The following IQCK variants were observed in gnomAD, a reference collection of about 807,000 sequenced individuals.
IQCK encodes IQ domain-containing protein K.
A neutral mutation model predicts 28.1 loss-of-function variants in IQCK; 29 were observed. That is an observed-to-expected ratio of 1.03 (90% CI 0.77 to 1.41). The LOEUF (loss-of-function observed/expected upper bound fraction) is 1.41, where lower values mean the gene tolerates loss of function less well. Among genes scored for constraint, IQCK ranks in the 40% most tolerant of loss-of-function variants. The probability of loss-of-function intolerance (pLI) is 0.00; values close to 1 mark genes in which losing one functional copy is unlikely to be tolerated. For synonymous variants in IQCK, 113 were observed against 115.1 expected (o/e 0.98, Z 0.12); for missense variants, 359 against 314.7 (o/e 1.14, Z -1.07).
At chr16:19,739,178 C>T (rs1287709052) in intron 4 of IQCK, among the ~76,000 whole-genome samples, 1 of 152,196 alleles carries the variant, frequency 6.6e-6, no homozygotes, top group Non-Finnish European at 1.5e-5. Context: ...ACATCTCTCA[C>T]CCCAACAAAG....
At chr16:19,727,298 T>G (rs1339379747) in intron 1 of IQCK, among the ~76,000 whole-genome samples, 1 of 152,116 alleles carries the variant, frequency 6.6e-6, no homozygotes, top group Non-Finnish European at 1.5e-5. Flanking sequence ...ACAAATGTAT[T>G]ATGTATTATA....
chr16:19,800,800 G>A (rs2055748461), intron 7 of IQCK, among the ~76,000 whole-genome samples: 1 of 101,128 alleles, frequency 9.9e-6, no homozygotes, highest in South Asian at 3.0e-4. Flanking sequence ...GGCAGGATAA[G>A]GAGTGATGTT....
Position 19,856,478 on chromosome 16 carries a change from T to C in IQCK, c.803-9T>C. On this transcript the variant is annotated splice_polypyrimidine_tract_variant and intron_variant, in intron 9 of 9. Coordinates refer to the IQCK transcript ENST00000320394. ...ATTGATCCTGACTTTCCCTTTCTTT[T>C]CTTTGCAGTGAAATGCAAAATGGAG... The C allele has an allele frequency of 6.2e-7, 1 of 1,611,760 alleles. No homozygotes were observed. Among genetic ancestry groups the C allele is most frequent in the African/African-American group, 1.3e-5 (1 of 75,034 alleles).
chr16:19,730,419 C>T lies in IQCK; in HGVS notation c.182-11C>T. 5 of 1,577,968 alleles carry T rather than the reference C, an allele frequency of 3.2e-6. No individual in the cohort carries two copies. Among genetic ancestry groups the T allele is most frequent in the Non-Finnish European group, 3.4e-6 (4 of 1,165,008 alleles). ...GTATGGAATTGAGGATTTTTTTTCC[C>T]TTCCCTTTAGAGTATGAAGCTGAGC... On this transcript the variant is annotated splice_polypyrimidine_tract_variant and intron_variant, in intron 1 of 7. Transcript: ENST00000564186.
intron 6 of IQCK, chr16:19,764,345 ATT>A: frequency 1.0e-5 from 4 of 397,508 alleles, no homozygotes; most frequent in South Asian, 6.5e-5. Flanking sequence ...TAAAAAAAAA[ATT>A]ATTATCCTAA....
At chr16:19,856,502 A>G (rs1380344427) in exon 10 of IQCK, 2 of 1,613,568 alleles carry the variant, frequency 1.2e-6, no homozygotes, top group Non-Finnish European at 1.7e-6. Flanking sequence ...TGCAAAATGG[A>G]GGACGATGCA....
intron 7 of IQCK, among the ~76,000 whole-genome samples, chr16:19,803,916 G>A (rs1172682067): frequency 6.6e-6 from 1 of 152,116 alleles, no homozygotes; most frequent in Non-Finnish European, 1.5e-5. Context: ...CCAAAGTGCT[G>A]GGATGACAAA....
intron 9 of IQCK, among the ~76,000 whole-genome samples, chr16:19,852,913 C>T (rs1229935576): frequency 6.6e-6 from 1 of 152,164 alleles, no homozygotes; most frequent in Non-Finnish European, 1.5e-5. Flanking sequence ...TGAGCCACCG[C>T]ACGCGGCCTC....
At chr16:19,768,460 C>A (rs763065315) in intron 6 of IQCK, among the ~76,000 whole-genome samples, 5 of 152,136 alleles carry the variant, frequency 3.3e-5, no homozygotes, top group African/African-American at 4.8e-5. Flanking sequence ...CAAATCTCCA[C>A]CACTGGCTGG....
chr16:19,726,622 T>C (rs1977663587), intron 1 of IQCK, among the ~76,000 whole-genome samples: 1 of 152,194 alleles, frequency 6.6e-6, no homozygotes, highest in Non-Finnish European at 1.5e-5. Context: ...TGTAGCAACA[T>C]TGAAAGGAGT....
intron 1 of IQCK, among the ~76,000 whole-genome samples, chr16:19,726,023 A>C (rs1220862782): frequency 1.3e-5 from 2 of 151,002 alleles, no homozygotes; most frequent in Non-Finnish European, 2.9e-5. Flanking sequence ...TCACACCATT[A>C]TCCTGCCTCA....
At chr16:19,775,722 C>T (rs1190990979) in intron 6 of IQCK, among the ~76,000 whole-genome samples, 1 of 152,144 alleles carries the variant, frequency 6.6e-6, no homozygotes, top group African/African-American at 2.4e-5. Context: ...TCCCTCAGCT[C>T]TTAACCTTCT....
chr16:19,733,479 G>C (rs565648413), intron 2 of IQCK, among the ~76,000 whole-genome samples: 21 of 152,060 alleles, frequency 1.4e-4, no homozygotes, highest in African/African-American at 5.1e-4. Context: ...GTTTACAAAC[G>C]TCTCATCCAC....
chr16:19,841,434 A>G (rs2056360995), intron 9 of IQCK, among the ~76,000 whole-genome samples: 1 of 152,166 alleles, frequency 6.6e-6, no homozygotes, highest in Admixed American at 6.6e-5. Flanking sequence ...AGCAGCTAAT[A>G]ATAGTAGAAA....
At chr16:19,808,317 G>T (rs866574800) in intron 7 of IQCK, among the ~76,000 whole-genome samples, 1 of 152,154 alleles carries the variant, frequency 6.6e-6, no homozygotes. Context: ...CAACTTGCCA[G>T]GCTATCAGCA....
intron 4 of IQCK, among the ~76,000 whole-genome samples, chr16:19,747,712 C>A (rs1042911419): frequency 1.3e-5 from 2 of 152,286 alleles, no homozygotes; most frequent in African/African-American, 2.4e-5. Context: ...CAGGTTTTAG[C>A]ACCCACTTAT....
At chr16:19,765,690 C>G (rs1172491106) in intron 6 of IQCK, among the ~76,000 whole-genome samples, 1 of 151,788 alleles carries the variant, frequency 6.6e-6, no homozygotes, top group Non-Finnish European at 1.5e-5. Context: ...TTTTTTAAAT[C>G]TAAGATTACA....
chr16:19,809,645 T>TCCC (rs1490738557), intron 7 of IQCK, among the ~76,000 whole-genome samples: 1 of 152,142 alleles, frequency 6.6e-6, no homozygotes, highest in Non-Finnish European at 1.5e-5. Flanking sequence ...GGTGATAGAC[T>TCCC]CCCTCATTCA....
rs1312437991 is a variant in IQCK at position 19,718,436 on chromosome 16, T to C, written c.130T>C (p.Trp44Arg). ...GTCCCGCGAGCTGCCTGTCTCGTCG[T>C]GGCAGGTCACCGAGCCGTCAAGCAA... The change falls in exon 1 of 8, where the codon TGG (tryptophan) becomes CGG (arginine). Residue 44 changes from tryptophan (W) to arginine (R), a missense_variant. Coordinates refer to ENST00000564186, the Ensembl canonical transcript of IQCK. 4.4e-6 allele frequency: 7 copies of C among 1,607,048 alleles called. No individual in the cohort carries two copies. In the South Asian group the frequency reaches 7.8e-5, roughly 18 times the overall value.
Sources: gnomAD v4.1 joint callset for allele counts (sites outside exome capture counted in the v4.1 genomes callset) on GRCh38, gnomAD v4.1.1 for gene constraint, MANE v1.5 for transcripts, NCBI Gene and HGNC (gene_info 2026-07-23, HGNC 2026-07-21) for gene names.